Variants in DMD observed in about 807,000 individuals in gnomAD.
DMD encodes dystrophin.
A neutral mutation model predicts 330.1 loss-of-function variants in DMD; 63 were observed. That is an observed-to-expected ratio of 0.19 (90% CI 0.16 to 0.24). The LOEUF is 0.24. Among genes scored for constraint, DMD ranks in the 10% least tolerant of loss-of-function variants. The pLI, the probability that DMD is intolerant of heterozygous loss-of-function variation, is 1.00. For missense variants in DMD, 3,344 were observed against 2,684.1 expected, an observed-to-expected ratio of 1.25 and a Z score of -5.43; for synonymous variants, 1,223 against 959.8, an observed-to-expected ratio of 1.27 and a Z score of -5.07.
chrX:33,278,116 C>G (rs1215046125), intron 1 of DMD, among the ~76,000 whole-genome samples: 1 of 111,502 alleles, frequency 9.0e-6, no homozygotes, highest in African/African-American at 3.3e-5. Flanking sequence ...AACAAACAAG[C>G]AAGCAAAAAC....
At chrX:32,418,516 A>G (rs1223576087) in intron 29 of DMD, among the ~76,000 whole-genome samples, 1 of 111,750 alleles carries the variant, frequency 8.9e-6, no homozygotes, top group Admixed American at 9.5e-5. Context: ...ATGAATATAA[A>G]TAATCCACGT....
At position 32,784,088 on chromosome X, in the gene DMD, C is replaced by A. The variant is rs769037722; in HGVS notation, c.649+25405G>T. On this transcript the variant is annotated intron_variant, in intron 7 of 78. Transcript: ENST00000357033. ...CATTTTTAAATAGCCCCAGGATGAT[C>A]TCAGCCATTAAAGAGCAGAAGGCTA... Among the ~76,000 whole-genome samples, 12 of 110,489 alleles carry A rather than the reference C, an allele frequency of 1.1e-4. 1 individual carries two copies. In the East Asian group the frequency reaches 3.4e-3, roughly 31 times the overall value.
chrX:31,706,147 T>TAA (rs59287838), intron 52 of DMD, among the ~76,000 whole-genome samples: 51 of 83,110 alleles, frequency 6.1e-4, no homozygotes, highest in African/African-American at 1.4e-3. Context: ...TTTTAGCTGT[T>TAA]AAAAAAAAAA....
At chrX:32,421,413 T>C (rs1450156494) in intron 29 of DMD, among the ~76,000 whole-genome samples, 4 of 109,080 alleles carry the variant, frequency 3.7e-5, no homozygotes, top group Non-Finnish European at 7.7e-5. Context: ...ATGTGCACCT[T>C]GAACAGCAGG....
In DMD at chrX:33,087,060, T is replaced by G. The variant is rs1425506686; in HGVS notation, c.32-66860A>C. 9.0e-5 allele frequency among the ~76,000 whole-genome samples: 10 copies of G among 111,464 alleles called. No homozygotes were observed. In the South Asian group the frequency reaches 1.9e-3, roughly 21 times the overall value. ...CACAGGTGCTTCTAAACTCACTGCT[T>G]TAGGCCATGCAAAATTTAGGAGACA... On this transcript the variant is annotated intron_variant, in intron 1 of 78. Transcript: ENST00000357033.
intron 52 of DMD, among the ~76,000 whole-genome samples, chrX:31,701,843 T>C (rs898807859): frequency 8.9e-6 from 1 of 112,377 alleles, no homozygotes; most frequent in African/African-American, 3.2e-5. Flanking sequence ...AATCAAAATC[T>C]GCATTTTAAA....
At chrX:32,532,021 T>C (rs2047528302) in intron 17 of DMD, among the ~76,000 whole-genome samples, 1 of 111,381 alleles carries the variant, frequency 9.0e-6, no homozygotes, top group Non-Finnish European at 1.9e-5. Flanking sequence ...TCCTCAACTT[T>C]CTAATCTGAT....
chrX:32,723,720 T>C (rs111978441), intron 7 of DMD, among the ~76,000 whole-genome samples: 71 of 111,142 alleles, frequency 6.4e-4, no homozygotes, highest in African/African-American at 2.3e-3. Context: ...TTTGGTTGAA[T>C]TCAGTAATCA....
In DMD at chrX:32,849,796, G is replaced by A. The variant is rs1001154410; in HGVS notation, c.118C>T (p.Leu40Phe). The A allele has an allele frequency of 3.3e-6, 4 of 1,205,877 alleles. No individual in the cohort carries two copies. Among genetic ancestry groups the A allele is most frequent in the Non-Finnish European group, 4.5e-6 (4 of 891,470 alleles). The change falls in exon 3 of 79, where the codon CTC becomes TTC. Residue 40 changes from leucine to phenylalanine, a missense_variant. Physicochemically the swap from Leu to Phe is conservative, Grantham distance 22. Transcript: ENST00000357033. ...SKFGKQHIEN[L>F]FSDLQDGRRL... Reference sequence around the variant, plus strand: ...CTCCCATCCTGTAGGTCACTGAAGAGGTTCTCAATATGCTGCTTCCCAAAC... The same window carrying A: ...CTCCCATCCTGTAGGTCACTGAAGAAGTTCTCAATATGCTGCTTCCCAAAC...
At chrX:31,343,517 T>A (rs1248165990) in intron 61 of DMD, among the ~76,000 whole-genome samples, 1 of 111,010 alleles carries the variant, frequency 9.0e-6, no homozygotes, top group Non-Finnish European at 1.9e-5. Flanking sequence ...AGTAAAAGGC[T>A]GCCTCTGTCT....
chrX:32,619,675 G>A (rs1162987130), intron 11 of DMD, among the ~76,000 whole-genome samples: 2 of 111,703 alleles, frequency 1.8e-5, no homozygotes, highest in Non-Finnish European at 3.8e-5. Context: ...TGTGTGTGTG[G>A]ATGCTGCATA....
intron 4 of DMD, among the ~76,000 whole-genome samples, chrX:32,824,222 CTTA>C (rs980027782): frequency 1.8e-5 from 2 of 111,755 alleles, no homozygotes; most frequent in African/African-American, 6.5e-5. Flanking sequence ...TGAACATGTA[CTTA>C]TTATACAATC....
At chrX:32,572,170 A>G (rs2052495162) in intron 15 of DMD, among the ~76,000 whole-genome samples, 1 of 111,936 alleles carries the variant, frequency 8.9e-6, no homozygotes, top group Non-Finnish European at 1.9e-5. Context: ...AGCTTGTAAT[A>G]ACAAGTAATA....
intron 7 of DMD, among the ~76,000 whole-genome samples, chrX:32,746,358 A>G (rs192436910): frequency 1.1e-4 from 12 of 112,155 alleles, no homozygotes; most frequent in African/African-American, 3.9e-4. Context: ...GAAAATCTAC[A>G]CCATCCAGCA....
intron 1 of DMD, among the ~76,000 whole-genome samples, chrX:33,295,258 T>C (rs1003840755): frequency 1.8e-5 from 2 of 111,444 alleles, no homozygotes; most frequent in Non-Finnish European, 3.8e-5. Context: ...CTTTTATCTG[T>C]ATGGTGAAAA....
chrX:32,600,616 A>G (rs2056099137), intron 12 of DMD, among the ~76,000 whole-genome samples: 1 of 108,300 alleles, frequency 9.2e-6, no homozygotes, highest in East Asian at 2.9e-4. Context: ...ACACACACAC[A>G]CACACACAAA....
At chrX:32,492,257 G>A (rs1199577546) in intron 19 of DMD, among the ~76,000 whole-genome samples, 1 of 112,034 alleles carries the variant, frequency 8.9e-6, no homozygotes, top group African/African-American at 3.2e-5. Context: ...AGAATGGCGT[G>A]AACCCGGGAG....
intron 44 of DMD, among the ~76,000 whole-genome samples, chrX:32,137,225 T>C (rs375124952): frequency 9.0e-6 from 1 of 111,453 alleles, no homozygotes; most frequent in East Asian, 2.8e-4. Flanking sequence ...GATTTGTGTA[T>C]GCCATCGCCA....
intron 37 of DMD, among the ~76,000 whole-genome samples, chrX:32,351,790 T>C (rs1470186684): frequency 3.6e-5 from 4 of 110,302 alleles, no homozygotes; most frequent in Non-Finnish European, 7.6e-5. Flanking sequence ...ATTATATGAG[T>C]ATGTATATTA....
Sources: gnomAD v4.1 joint callset for allele counts (sites outside exome capture counted in the v4.1 genomes callset) on GRCh38, gnomAD v4.1.1 for gene constraint, MANE v1.5 for transcripts, NCBI Gene and HGNC (gene_info 2026-07-23, HGNC 2026-07-21) for gene names.